The following VAMP3 variants were observed in gnomAD, a reference collection of about 807,000 sequenced individuals.
VAMP3 encodes the protein vesicle-associated membrane protein 3.
A neutral mutation model predicts 18.1 loss-of-function variants in VAMP3; 11 were observed. The ratio of observed to expected loss-of-function variants is 0.61; its 90% CI spans 0.38 to 1.00. The LOEUF is 1.00. Among genes scored for constraint, VAMP3 ranks in the 50% least tolerant of loss-of-function variants. VAMP3 has a pLI of 0.01. For missense variants in VAMP3, 122 were observed against 127.3 expected (o/e 0.96, Z 0.20); for synonymous variants, 49 against 43.1 (o/e 1.14, Z -0.53).
chr1:7,774,726 G>A (rs1003919638), intron 2 of VAMP3, among the ~76,000 whole-genome samples: 4 of 152,200 alleles, frequency 2.6e-5, no homozygotes, highest in African/African-American at 9.7e-5. Context: ...AAGTTGTAAC[G>A]TGTTGTACCG....
At chr1:7,778,290 C>A in intron 4 of VAMP3, 121 bp downstream of exon 4, 1 of 1,222,496 alleles carries the variant, frequency 8.2e-7, no homozygotes, top group Non-Finnish European at 1.2e-6. Flanking sequence ...TGGCTAGGTG[C>A]GGTGACTCAT....
chr1:7,781,060 A>G lies in VAMP3; in HGVS notation c.*1415A>G, dbSNP rs2097056875. On this transcript the variant is annotated 3_prime_UTR_variant, in exon 5 of 5. Coordinates refer to ENST00000054666, the MANE Select transcript of VAMP3 (RefSeq NM_004781.4). ...TGGCTCATTGTTACTGGAATATTCTAAAACTCTTGTTCACATGCTATTATG... is the reference window on the plus strand; with the variant it reads ...TGGCTCATTGTTACTGGAATATTCTGAAACTCTTGTTCACATGCTATTATG... The G allele has an allele frequency of 6.5e-6, 1 of 152,848 alleles. No individual in the cohort carries two copies. Among genetic ancestry groups the G allele is most frequent in the African/African-American group, 2.4e-5 (1 of 41,474 alleles). 9.5% of individuals were successfully genotyped at this position (152,848 alleles called of 1,614,324 possible). A position where few individuals can be genotyped will look rare whatever the true frequency, so the allele number is the denominator to read the frequency against.
intron 2 of VAMP3, chr1:7,776,876 A>T: frequency 4.5e-6 from 1 of 220,128 alleles, no homozygotes; most frequent in Non-Finnish European, 8.9e-6. Context: ...ACGCAGTCTC[A>T]CCTCATTGCA....
rs1420713545 is a variant in VAMP3 at position 7,773,430 on chromosome 1, T to C, written c.3-12T>C. On this transcript the variant is annotated splice_polypyrimidine_tract_variant and intron_variant, in intron 1 of 4. Transcript: ENST00000054666. The stretch of plus-strand genomic sequence containing the variant: ...CGTAATGTACTCATGCTCATGCCTT[T>C]ACATGTTCCAGGTCTACAGGTCCAA... 4 of 1,613,034 alleles carry C rather than the reference T, an allele frequency of 2.5e-6. No individual in the cohort carries two copies. The African/African-American group carries it at 4.0e-5, about 16-fold the overall frequency.
intron 1 of VAMP3, among the ~76,000 whole-genome samples, chr1:7,772,231 C>T (rs1044581442): frequency 6.6e-6 from 1 of 152,212 alleles, no homozygotes. Context: ...GGAGGAAAAG[C>T]ATGGAAAGAG....
intron 2 of VAMP3, 109 bp downstream of exon 2, chr1:7,773,620 G>A (rs1045989301): frequency 2.8e-6 from 3 of 1,064,822 alleles, no homozygotes; most frequent in Non-Finnish European, 4.1e-6. Context: ...AATTCTGACT[G>A]TATCATAATT....
At chr1:7,772,288 C>T (rs1372967898) in intron 1 of VAMP3, among the ~76,000 whole-genome samples, 5 of 152,208 alleles carry the variant, frequency 3.3e-5, no homozygotes, top group African/African-American at 1.2e-4. Context: ...ATACTAAACT[C>T]CGTGAGGACG....
Position 7,779,806 on chromosome 1 carries a change from C to A in VAMP3, c.*161C>A. ...AAACGTGCCTTTGTTTTTTAATATG[C>A]ACTCCAAATTAGAAGGCCGGCCCCG... On this transcript the variant is annotated 3_prime_UTR_variant, in exon 5 of 5. Transcript: ENST00000054666. 1 of 903,494 alleles carries A rather than the reference C, an allele frequency of 1.1e-6. No homozygotes were observed. The highest frequency in any genetic ancestry group is 1.7e-6 in the Non-Finnish European group (1 of 596,368). 56.0% of individuals were successfully genotyped at this position (903,494 alleles called of 1,614,324 possible). A position where few individuals can be genotyped will look rare whatever the true frequency, so the allele number is the denominator to read the frequency against.
chr1:7,774,966 G>A (rs2097053519), intron 2 of VAMP3, among the ~76,000 whole-genome samples: 2 of 152,272 alleles, frequency 1.3e-5, no homozygotes, highest in East Asian at 1.9e-4. Context: ...TTAATTTTAC[G>A]AGGAACTGCC....
Position 7,777,289 on chromosome 1 carries a change from A to G in VAMP3, c.202A>G (p.Lys68Glu), listed in dbSNP as rs1390550698. The G allele has an allele frequency of 2.1e-5, 34 of 1,613,366 alleles. No individual in the cohort carries two copies. Among genetic ancestry groups the G allele is most frequent in the Non-Finnish European group, 2.9e-5 (34 of 1,179,742 alleles). Residue 68 changes from lysine (K) to glutamate (E), a missense_variant, in exon 3 of 5, where the codon AAG becomes GAG. Transcript: ENST00000054666. ...ATTTGAAACGAGCGCAGCCAAGTTG[A>G]AGAGGAAATATTGGTGGAAGAATTG... ...SQFETSAAKLKRKYWWKNCKM... is the reference protein window; with the variant it reads ...SQFETSAAKLERKYWWKNCKM...
At chr1:7,777,397 C>A in intron 3 of VAMP3, 79 bp downstream of exon 3, 1 of 1,487,808 alleles carries the variant, frequency 6.7e-7, no homozygotes, top group Non-Finnish European at 9.0e-7. Context: ...AGATAATGGA[C>A]TTTCACGACT....
chr1:7,779,517 C>G, intron 4 of VAMP3, 109 bp from the exon 5 acceptor site: 1 of 1,502,404 alleles, frequency 6.7e-7, no homozygotes. Context: ...TCAGCCCAGT[C>G]TAATTTCTGA....
At chr1:7,773,913 T>G (rs2097052743) in intron 2 of VAMP3, among the ~76,000 whole-genome samples, 1 of 151,978 alleles carries the variant, frequency 6.6e-6, no homozygotes, top group Non-Finnish European at 1.5e-5. Flanking sequence ...ATGCTTTGTC[T>G]TCTTACTAAT....
chr1:7,774,032 T>C (rs1479412853), intron 2 of VAMP3, among the ~76,000 whole-genome samples: 1 of 152,210 alleles, frequency 6.6e-6, no homozygotes, highest in African/African-American at 2.4e-5. Context: ...TCTCTGTTTG[T>C]AGAATTCTTG....
chr1:7,778,235 G>A, intron 4 of VAMP3, 66 bp downstream of exon 4: 2 of 1,579,380 alleles, frequency 1.3e-6, no homozygotes, highest in African/African-American at 2.7e-5. Flanking sequence ...CATTGATTTT[G>A]TGTACAAGAA....
rs533977102 is a variant in VAMP3, at chr1:7,779,480, G to A, written c.284-146G>A. 1.4e-5 allele frequency: 15 copies of A among 1,104,846 alleles called. No individual in the cohort carries two copies. The African/African-American group carries it at 2.4e-4, about 17-fold the overall frequency. The allele number at this position is 1,104,846 out of a possible 1,614,324, so 68.4% of individuals were successfully genotyped here. A position where few individuals can be genotyped will look rare whatever the true frequency, so the allele number is the denominator to read the frequency against. On this transcript the variant is annotated intron_variant, in intron 4 of 4. Transcript: ENST00000054666. ...AGTCTCCTTCCTCTAGCCCTCTATAGAATGGAGAGAAGCCAGTAGTAGGAA... is the reference window on the plus strand; with the variant it reads ...AGTCTCCTTCCTCTAGCCCTCTATAAAATGGAGAGAAGCCAGTAGTAGGAA...
Position 7,781,110 on chromosome 1 carries a change from G to A in VAMP3, c.*1465G>A, listed in dbSNP as rs1293761269. 6.5e-6 allele frequency: 1 copy of A among 152,786 alleles called. No homozygotes were observed. The highest frequency in any genetic ancestry group is 1.5e-5 in the Non-Finnish European group (1 of 68,054). 9.5% of individuals were successfully genotyped at this position (152,786 alleles called of 1,614,324 possible). On this transcript the variant is annotated 3_prime_UTR_variant, in exon 5 of 5. Coordinates refer to ENST00000054666, the MANE Select transcript of VAMP3 (RefSeq NM_004781.4). ...GACTTATAAAGCAGCAACAGCTGAG[G>A]CGCACCAGGACACAGCTTCCATTTC...
At position 7,779,299 on chromosome 1, in the gene VAMP3, C is replaced by T. The variant is rs528135644; in HGVS notation, c.284-327C>T. On this transcript the variant is annotated intron_variant, in intron 4 of 4. Coordinates refer to ENST00000054666, the MANE Select transcript of VAMP3 (RefSeq NM_004781.4). ...AATAATATATATGTATACACAAACA[C>T]ACACACAACTATTATTATATAATAT... Among the ~76,000 whole-genome samples the T allele has an allele frequency of 3.3e-5, 5 of 152,164 alleles. No individual in the cohort carries two copies. The South Asian group carries it at 6.2e-4, about 19-fold the overall frequency.
chr1:7,774,681 T>C (rs139966956), intron 2 of VAMP3, among the ~76,000 whole-genome samples: 1 of 152,334 alleles, frequency 6.6e-6, no homozygotes, highest in East Asian at 1.9e-4. Context: ...GCATCTGCCT[T>C]CTTTCACTTA....
Sources: allele counts gnomAD v4.1 joint callset (sites outside exome capture counted in the v4.1 genomes callset), GRCh38; gene constraint gnomAD v4.1.1; transcripts MANE v1.5; gene names NCBI Gene and HGNC (gene_info 2026-07-23, HGNC 2026-07-21).